The following MYO3A variants were observed in gnomAD, a reference collection of about 807,000 sequenced individuals.
MYO3A encodes myosin-IIIa.
Under a neutral mutation model 192.7 loss-of-function variants are expected in MYO3A, and 180 were observed. That is an observed-to-expected ratio of 0.93 (90% CI 0.83 to 1.06). The LOEUF (loss-of-function observed/expected upper bound fraction) is 1.06. Among genes scored for constraint, MYO3A ranks in the 50% least tolerant of loss-of-function variants. MYO3A has a pLI of 0.00. For missense variants in MYO3A, 1,896 were observed against 1,905.0 expected (o/e 1.00, Z 0.09); for synonymous variants, 628 against 645.3 (o/e 0.97, Z 0.41).
chr10:25,973,237 G>T (rs1838767090), intron 4 of MYO3A, among the ~76,000 whole-genome samples: 1 of 151,956 alleles, frequency 6.6e-6, no homozygotes. Flanking sequence ...TATTCTCTTT[G>T]TAGCAATCGT....
At position 26,023,741 on chromosome 10, in the gene MYO3A, C is replaced by T. The variant is rs150463218; in HGVS notation, c.732-281C>T. Among the ~76,000 whole-genome samples, 669 of 152,186 alleles carry T rather than the reference C, an allele frequency of 4.4e-3. 4 individuals are homozygous for T. The highest frequency in any genetic ancestry group is 6.2e-3 in the Non-Finnish European group (420 of 68,004). ...TCTATTCTGTTAAGTATTGATGTTT[C>T]CCCCTAGAGCTAAGTAAAAGCAAGA... is the stretch of plus-strand genomic sequence containing the variant. On this transcript the variant is annotated intron_variant, in intron 8 of 34. Transcript: ENST00000642920.
At chr10:26,015,621 A>G (rs925830545) in intron 6 of MYO3A, among the ~76,000 whole-genome samples, 3 of 152,172 alleles carry the variant, frequency 2.0e-5, no homozygotes, top group African/African-American at 7.2e-5. Context: ...CTAGCTGTGA[A>G]GCTAGTTTTG....
rs1844271992 is a variant in MYO3A, at chr10:26,212,458, A to G, written c.*495A>G. 4.9e-6 allele frequency: 1 copy of G among 204,208 alleles called. No homozygotes were observed. Among genetic ancestry groups the G allele is most frequent in the East Asian group, 1.0e-4 (1 of 9,542 alleles). 12.6% of individuals were successfully genotyped at this position (204,208 alleles called of 1,614,324 possible). On this transcript the variant is annotated 3_prime_UTR_variant, in exon 35 of 35. Coordinates refer to ENST00000642920, the MANE Select transcript of MYO3A (RefSeq NM_017433.5). Reference sequence around the variant, plus strand: ...GGGGTGGGGAGAATTTCGAAGATGTATTTCATCTCAAGCTTGCTCTTTCTC... The same window carrying G: ...GGGGTGGGGAGAATTTCGAAGATGTGTTTCATCTCAAGCTTGCTCTTTCTC...
At chr10:26,152,365 T>A (rs900272288) in intron 23 of MYO3A, among the ~76,000 whole-genome samples, 1 of 152,210 alleles carries the variant, frequency 6.6e-6, no homozygotes, top group Non-Finnish European at 1.5e-5. Flanking sequence ...AATAAGACAT[T>A]AAGGCTTGAA....
intron 4 of MYO3A, among the ~76,000 whole-genome samples, chr10:25,967,106 G>C (rs1352458782): frequency 6.6e-6 from 1 of 152,106 alleles, no homozygotes; most frequent in Non-Finnish European, 1.5e-5. Context: ...GCAGAGAAGA[G>C]GAAGTTATGC....
At chr10:26,185,733 C>T (rs570400750) in intron 31 of MYO3A, among the ~76,000 whole-genome samples, 1 of 152,106 alleles carries the variant, frequency 6.6e-6, no homozygotes, top group South Asian at 2.1e-4. Context: ...ACCCACATTA[C>T]TCACCCCCAA....
At chr10:25,967,257 A>G (rs1476236724) in intron 4 of MYO3A, among the ~76,000 whole-genome samples, 1 of 152,226 alleles carries the variant, frequency 6.6e-6, no homozygotes, top group African/African-American at 2.4e-5. Flanking sequence ...CCAGAGAAAG[A>G]ATCAATGTAG....
chr10:26,120,784 C>T lies in MYO3A; in HGVS notation c.1885C>T (p.His629Tyr), dbSNP rs1234205635. Residue 629 changes from histidine to tyrosine, a missense_variant, in exon 18 of 35, where the codon CAT becomes TAT. Physicochemically the swap from His to Tyr is moderately conservative, Grantham distance 83. Coordinates refer to ENST00000642920, the MANE Select transcript of MYO3A (RefSeq NM_017433.5). The stretch of plus-strand genomic sequence containing the variant: ...GATTGACAAGAGCCACATTTCTAAT[C>T]ATACAGCCCTGGAGAACTGTAAGTT... ...HQIDKSHISNHTALENCASLL... is the reference protein window; with the variant it reads ...HQIDKSHISNYTALENCASLL... The T allele has an allele frequency of 5.0e-6, 8 of 1,613,942 alleles. No homozygotes were observed. The highest frequency in any genetic ancestry group is 5.9e-6 in the Non-Finnish European group (7 of 1,179,998).
intron 6 of MYO3A, among the ~76,000 whole-genome samples, chr10:26,015,230 T>C (rs1841924298): frequency 6.6e-6 from 1 of 152,188 alleles, no homozygotes; most frequent in African/African-American, 2.4e-5. Context: ...TGACCTCTTT[T>C]TCCTTTCTGT....
At chr10:26,061,569 G>A (rs1834481403) in intron 10 of MYO3A, among the ~76,000 whole-genome samples, 2 of 152,182 alleles carry the variant, frequency 1.3e-5, no homozygotes, top group Admixed American at 6.5e-5. Context: ...AATAATGTTG[G>A]AAAGGTTGTT....
intron 10 of MYO3A, among the ~76,000 whole-genome samples, chr10:26,059,763 C>G (rs1834341751): frequency 6.6e-6 from 1 of 152,202 alleles, no homozygotes; most frequent in East Asian, 1.9e-4. Context: ...GGATTTTTTT[C>G]CACATTCAGT....
At chr10:26,195,231 A>T (rs79316884) in intron 32 of MYO3A, among the ~76,000 whole-genome samples, 5,953 of 152,292 alleles carry the variant, frequency 0.039, 155 homozygotes, top group Non-Finnish European at 0.059. Flanking sequence ...ACAAACCAGT[A>T]ATCTGACTAT....
intron 10 of MYO3A, among the ~76,000 whole-genome samples, chr10:26,034,949 A>ATGTGTGTG (rs1429528557): frequency 7.4e-6 from 1 of 135,350 alleles, no homozygotes; most frequent in African/African-American, 2.6e-5. Context: ...GTGTGTGCGC[A>ATGTGTGTG]CACATCATTT....
chr10:25,963,790 A>G (rs1258792289), intron 4 of MYO3A, among the ~76,000 whole-genome samples: 1 of 151,856 alleles, frequency 6.6e-6, no homozygotes, highest in Non-Finnish European at 1.5e-5. Flanking sequence ...TTGTTTGTTT[A>G]AAGGGCAGGA....
At chr10:26,081,823 C>T (rs1282883873) in intron 14 of MYO3A, among the ~76,000 whole-genome samples, 1 of 152,188 alleles carries the variant, frequency 6.6e-6, no homozygotes, top group African/African-American at 2.4e-5. Context: ...CACAAACAGA[C>T]CTTCACCTTC....
At chr10:26,197,244 G>T (rs1843454983) in intron 32 of MYO3A, among the ~76,000 whole-genome samples, 1 of 152,152 alleles carries the variant, frequency 6.6e-6, no homozygotes, top group Admixed American at 6.6e-5. Context: ...AAGAAAACAA[G>T]AACTAGGGAG....
intron 10 of MYO3A, among the ~76,000 whole-genome samples, chr10:26,056,513 C>T (rs1471715466): frequency 1.3e-5 from 2 of 152,104 alleles, no homozygotes; most frequent in Non-Finnish European, 2.9e-5. Context: ...TAAAAAGATA[C>T]CAAACATATC....
intron 6 of MYO3A, among the ~76,000 whole-genome samples, chr10:26,014,008 G>A (rs1249999116): frequency 6.6e-6 from 1 of 152,010 alleles, no homozygotes; most frequent in Non-Finnish European, 1.5e-5. Context: ...TATGCTAAGT[G>A]AAATATCACA....
rs1356811626 is a variant in MYO3A at position 26,016,893 on chromosome 10, T to A, written c.582T>A (p.Pro194=). Residue 194 remains proline (P), a synonymous_variant, in exon 7 of 35, where the codon CCT becomes CCA. Coordinates refer to ENST00000642920, the MANE Select transcript of MYO3A (RefSeq NM_017433.5). The part of the protein sequence containing the change: ...TSVGTPFWMA[P]EVIACEQQLD... ...TAGGAACACCGTTTTGGATGGCTCCTGAGGTCAGATAGAGTTTTGAGGCAG... is the reference window on the plus strand; with the variant it reads ...TAGGAACACCGTTTTGGATGGCTCCAGAGGTCAGATAGAGTTTTGAGGCAG... 6 of 1,613,998 alleles carry A rather than the reference T, an allele frequency of 3.7e-6. No homozygotes were observed. The highest frequency in any genetic ancestry group is 4.5e-5 in the East Asian group (2 of 44,892).
Sources: gnomAD v4.1 joint callset for allele counts (sites outside exome capture counted in the v4.1 genomes callset) on GRCh38, gnomAD v4.1.1 for gene constraint, MANE v1.5 for transcripts, NCBI Gene and HGNC (gene_info 2026-07-23, HGNC 2026-07-21) for gene names.